PCSK7: variants seen among roughly 807,000 people sequenced by gnomAD.
The protein encoded by PCSK7 is lymphoma proprotein convertase.
In PCSK7, 38 loss-of-function variants were observed where a neutral mutation model predicts 73.3. That is an observed-to-expected ratio of 0.52 (90% CI 0.40 to 0.68). The LOEUF is 0.68. Ranked by LOEUF, PCSK7 falls within the 30% of genes least tolerant of loss-of-function variation. The pLI is 0.00. For missense variants in PCSK7, 692 were observed against 991.5 expected, an observed-to-expected ratio of 0.70 and a Z score of 4.06; for synonymous variants, 296 against 383.8, an observed-to-expected ratio of 0.77 and a Z score of 2.68.
At chr11:117,219,938 A>G in intron 9 of PCSK7, 180 bp from the exon 10 acceptor site, 1 of 469,502 alleles carries the variant, frequency 2.1e-6, no homozygotes, top group Non-Finnish European at 3.8e-6. Context: ...CATCTTTAAA[A>G]AATAAAAAAA....
At chr11:117,223,964 A>G (rs1199695196) in intron 8 of PCSK7, 114 bp downstream of exon 8, 9 of 1,135,490 alleles carry the variant, frequency 7.9e-6, no homozygotes, top group Non-Finnish European at 9.2e-6. Flanking sequence ...ATCTGAGCCC[A>G]AAGAGATTAT....
rs569756690 is a variant in PCSK7, at chr11:117,223,179, A to T, written c.1155+29T>A. 1.1e-5 allele frequency: 14 copies of T among 1,299,064 alleles called. No homozygotes were observed. In the East Asian group the frequency reaches 3.2e-4, roughly 30 times the overall value. 80.5% of individuals were successfully genotyped at this position (1,299,064 alleles called of 1,614,324 possible). A position where few individuals can be genotyped will look rare whatever the true frequency, so the allele number is the denominator to read the frequency against. ...ACGTGAAGTCTTGTGGGAAAGGGGCAGGCCGTGGAGGGCCCGGGAGGCACT... is the reference window on the plus strand; with the variant it reads ...ACGTGAAGTCTTGTGGGAAAGGGGCTGGCCGTGGAGGGCCCGGGAGGCACT... On this transcript the variant is annotated intron_variant, in intron 9 of 16. Transcript: ENST00000320934.
In PCSK7 at chr11:117,213,976, T is replaced by TTTTTTTTTTTTTTTTTTTTTG. The variant is rs36106425; in HGVS notation, c.1534+4489_1534+4490insCAAAAAAAAAAAAAAAAAAAA. The TTTTTTTTTTTTTTTTTTTTTG allele has an allele frequency of 1.1e-4, 15 of 131,358 alleles. 1 individual carries two copies. The highest frequency in any genetic ancestry group is 2.4e-4 in the Admixed American group (3 of 12,678). 8.1% of individuals were successfully genotyped at this position (131,358 alleles called of 1,614,324 possible). ...TTTTTCTTTTTTTTTTTTTTTTTTT[T>TTTTTTTTTTTTTTTTTTTTTG]AGACGGAGTCTTGCTCGGTCACCAG... On this transcript the variant is annotated intron_variant, in intron 12 of 16. Coordinates refer to ENST00000320934, the MANE Select transcript of PCSK7 (RefSeq NM_004716.4).
Position 117,218,793 on chromosome 11 carries a change from G to A in PCSK7, c.1432-225C>T. The A allele has an allele frequency of 1.8e-6, 1 of 566,356 alleles. No homozygotes were observed. Among genetic ancestry groups the A allele is most frequent in the South Asian group, 2.3e-5 (1 of 43,048 alleles). 35.1% of individuals were successfully genotyped at this position (566,356 alleles called of 1,614,324 possible). A position where few individuals can be genotyped will look rare whatever the true frequency, so the allele number is the denominator to read the frequency against. On this transcript the variant is annotated intron_variant, in intron 11 of 16. Transcript: ENST00000320934. The surrounding 1 kb of genome is among the most constrained non-coding windows in gnomAD (Gnocchi z 4.0). ...AGGAAACAGCTGTGTCCAGGGTGGA[G>A]GAGGGGAACCAGAGCATCCTGAGTC...
chr11:117,231,057 CAAA>C (rs5795071), intron 1 of PCSK7: 37 of 134,852 alleles, frequency 2.7e-4, no homozygotes, highest in Admixed American at 3.7e-4. Context: ...CAGGAGCCCT[CAAA>C]AAAAAAAAAA....
intron 6 of PCSK7, chr11:117,224,996 G>T: frequency 2.1e-6 from 1 of 485,976 alleles, no homozygotes; most frequent in South Asian, 2.6e-5. Flanking sequence ...ATAGCCCATA[G>T]TGGCAGAGAG....
chr11:117,228,480 C>T, intron 3 of PCSK7, 130 bp from the exon 4 acceptor site: 1 of 720,990 alleles, frequency 1.4e-6, no homozygotes, highest in Non-Finnish European at 2.4e-6. Context: ...ACCAATAGGT[C>T]AGGTGGGAAC....
Position 117,204,451 on chromosome 11 carries a change from C to T in PCSK7, c.*1546G>A. 6.4e-7 allele frequency: 1 copy of T among 1,573,292 alleles called. No homozygotes were observed. The highest frequency in any genetic ancestry group is 8.7e-7 in the Non-Finnish European group (1 of 1,150,482). Reference sequence around the variant, plus strand: ...CTGCCTCACCCACACCCGTGTGGTACCTTCAGCCCTGGCCAAGCTTTGAGG... The same window carrying T: ...CTGCCTCACCCACACCCGTGTGGTATCTTCAGCCCTGGCCAAGCTTTGAGG... On this transcript the variant is annotated 3_prime_UTR_variant, in exon 17 of 17. Coordinates refer to ENST00000320934, the MANE Select transcript of PCSK7 (RefSeq NM_004716.4).
Position 117,229,391 on chromosome 11 carries a change from G to A in PCSK7, c.454C>T (p.Gln152Ter), listed in dbSNP as rs2032552304. ...SVHFNDPKYP[Q>*]QWHLNNRRSP... ...ACTGGACTCACCAGGTGCCATTGCT[G>A]CGGGTACTTGGGGTCGTTGAAGTGG... The change falls in exon 3 of 17, where the codon CAG (glutamine) becomes TAG (stop). Residue 152 changes from glutamine to a stop codon, truncating the protein, a stop_gained. Transcript: ENST00000320934. LOFTEE classifies it high-confidence loss of function. The A allele has an allele frequency of 6.2e-7, 1 of 1,605,846 alleles. No homozygotes were observed. The highest frequency in any genetic ancestry group is 8.5e-7 in the Non-Finnish European group (1 of 1,179,538).
At chr11:117,219,884 T>C in intron 9 of PCSK7, 126 bp from the exon 10 acceptor site, 1 of 617,878 alleles carries the variant, frequency 1.6e-6, no homozygotes, top group Non-Finnish European at 2.7e-6. Context: ...ACAGGAGTTA[T>C]GACTGTGCCA....
chr11:117,223,990 A>T, intron 8 of PCSK7, 88 bp downstream of exon 8: 1 of 1,326,378 alleles, frequency 7.5e-7, no homozygotes, highest in Non-Finnish European at 1.1e-6. Context: ...TCACACATTT[A>T]GACACACACA....
At chr11:117,231,271 A>G (rs1000400902) in intron 1 of PCSK7, 1 of 152,176 alleles carries the variant, frequency 6.6e-6, no homozygotes, top group Non-Finnish European at 1.5e-5. Context: ...CTTCCTGGAA[A>G]GGAGAACTTA....
intron 6 of PCSK7, chr11:117,225,714 C>A: frequency 1.7e-6 from 1 of 597,186 alleles, no homozygotes; most frequent in Admixed American, 2.9e-5. Context: ...CAGGCCAGGG[C>A]TTCTCATGTG....
rs2031308687 is a variant in PCSK7, at chr11:117,205,430, G to C, written c.*567C>G. 4.3e-6 allele frequency: 1 copy of C among 233,710 alleles called. No individual in the cohort carries two copies. Among genetic ancestry groups the C allele is most frequent in the African/African-American group, 2.2e-5 (1 of 45,354 alleles). 14.5% of individuals were successfully genotyped at this position (233,710 alleles called of 1,614,324 possible). A position where few individuals can be genotyped will look rare whatever the true frequency, so the allele number is the denominator to read the frequency against. On this transcript the variant is annotated 3_prime_UTR_variant, in exon 17 of 17. Coordinates refer to ENST00000320934, the MANE Select transcript of PCSK7 (RefSeq NM_004716.4). ...GCCTGGGGGAGCCGTGTGTATCCCAGCTGTGCCGGCAGCATCATACCAATC... is the reference window on the plus strand; with the variant it reads ...GCCTGGGGGAGCCGTGTGTATCCCACCTGTGCCGGCAGCATCATACCAATC...
Position 117,204,476 on chromosome 11 carries a change from G to C in PCSK7, c.*1521C>G. ...CCTTCAGCCCTGGCCAAGCTTTGAG[G>C]CTCTGTCACTGAGCAATGGTAACTG... On this transcript the variant is annotated 3_prime_UTR_variant, in exon 17 of 17. Coordinates refer to ENST00000320934, the MANE Select transcript of PCSK7 (RefSeq NM_004716.4). 1 of 1,493,796 alleles carries C rather than the reference G, an allele frequency of 6.7e-7. No individual in the cohort carries two copies. The highest frequency in any genetic ancestry group is 1.2e-5 in the South Asian group (1 of 84,608). 92.5% of individuals were successfully genotyped at this position (1,493,796 alleles called of 1,614,324 possible).
intron 9 of PCSK7, chr11:117,221,188 T>A (rs2032176732): frequency 6.6e-6 from 1 of 152,206 alleles, no homozygotes; most frequent in African/African-American, 2.4e-5. Flanking sequence ...TTCTCCACTG[T>A]ACTCACTGCT....
rs1591781414 is a variant in PCSK7, at chr11:117,204,353, C to G, written c.*1644G>C. ...GCTACGGACGACCTCGGCAGATCAT[C>G]AGTTAGAGCGGAGAGGGCTAGCCCT... On this transcript the variant is annotated 3_prime_UTR_variant, in exon 17 of 17. Transcript: ENST00000320934. 19 of 1,614,242 alleles carry G rather than the reference C, an allele frequency of 1.2e-5. No homozygotes were observed. The highest frequency in any genetic ancestry group is 1.5e-5 in the Non-Finnish European group (18 of 1,180,044).
Position 117,204,726 on chromosome 11 carries a change from T to A in PCSK7, c.*1271A>T. On this transcript the variant is annotated 3_prime_UTR_variant, in exon 17 of 17. Coordinates refer to ENST00000320934, the MANE Select transcript of PCSK7 (RefSeq NM_004716.4). ...AGAAGAACCAGCCCAGCCTGCCCCC[T>A]ATCTTGTCCTGGAATATTTTTGGGG... 1 of 304,802 alleles carries A rather than the reference T, an allele frequency of 3.3e-6. No homozygotes were observed. Among genetic ancestry groups the A allele is most frequent in the Non-Finnish European group, 6.3e-6 (1 of 158,820 alleles). The allele number at this position is 304,802 out of a possible 1,614,324, so 18.9% of individuals were successfully genotyped here.
intron 2 of PCSK7, 114 bp from the exon 3 acceptor site, chr11:117,229,970 C>G (rs192230902): frequency 9.5e-6 from 6 of 629,778 alleles, no homozygotes; most frequent in South Asian, 2.1e-5. Context: ...TAAGCCATGC[C>G]TTTTAAATTG....
Sources: allele counts gnomAD v4.1 joint callset, GRCh38; gene constraint gnomAD v4.1.1; non-coding constraint Gnocchi (gnomAD v3.1); transcripts MANE v1.5; gene names NCBI Gene and HGNC (gene_info 2026-07-23, HGNC 2026-07-21).